MYO3B: variants seen among roughly 807,000 people sequenced by gnomAD.
The protein encoded by MYO3B is myosin IIIB.
In MYO3B, 156 loss-of-function variants were observed where a neutral mutation model predicts 174.6. The ratio of observed to expected loss-of-function variants is 0.89; its 90% CI spans 0.78 to 1.02. MYO3B has a LOEUF of 1.02. Ranked by LOEUF, MYO3B falls within the 50% of genes least tolerant of loss-of-function variation. The pLI, the probability that MYO3B is intolerant of heterozygous loss-of-function variation, is 0.00. For synonymous variants in MYO3B, 563 were observed against 569.1 expected (o/e 0.99, Z 0.15); for missense variants, 1,632 against 1,639.4 (o/e 1.00, Z 0.08).
chr2:170,196,277 C>A (rs2092599101), intron 1 of MYO3B, among the ~76,000 whole-genome samples: 1 of 152,124 alleles, frequency 6.6e-6, no homozygotes, highest in Non-Finnish European at 1.5e-5. Flanking sequence ...GAAGCTGAGT[C>A]AGGAGGATCA....
At chr2:170,260,324 T>C (rs535139452) in intron 7 of MYO3B, among the ~76,000 whole-genome samples, 3 of 152,148 alleles carry the variant, frequency 2.0e-5, no homozygotes, top group African/African-American at 4.8e-5. Flanking sequence ...CAGTGGTGGA[T>C]TGGATAAAGA....
chr2:170,509,174 TG>T (rs1433057189), intron 28 of MYO3B, among the ~76,000 whole-genome samples: 1 of 152,204 alleles, frequency 6.6e-6, no homozygotes, highest in Non-Finnish European at 1.5e-5. Flanking sequence ...CTGGCCAACA[TG>T]GCAAAATCCT....
chr2:170,464,536 G>T (rs941092290), intron 24 of MYO3B, among the ~76,000 whole-genome samples: 5 of 152,038 alleles, frequency 3.3e-5, no homozygotes, highest in Non-Finnish European at 7.4e-5. Flanking sequence ...TGGATAGAAG[G>T]CTCCATGGAA....
intron 32 of MYO3B, among the ~76,000 whole-genome samples, chr2:170,553,218 A>G (rs62168185): frequency 0.017 from 2,554 of 152,282 alleles, 34 homozygotes; most frequent in Non-Finnish European, 0.023. Context: ...ACTGTCCTCC[A>G]GACCCCAAAT....
chr2:170,348,808 A>C (rs535424678), intron 8 of MYO3B, among the ~76,000 whole-genome samples: 1 of 152,284 alleles, frequency 6.6e-6, no homozygotes, highest in South Asian at 2.1e-4. Flanking sequence ...GCTATAGCTT[A>C]GTATATGTGC....
In MYO3B at chr2:170,578,607, G is replaced by A. The variant is rs146296976; in HGVS notation, c.3733+34619G>A. On this transcript the variant is annotated intron_variant, in intron 32 of 34. Coordinates refer to ENST00000408978, the MANE Select transcript of MYO3B (RefSeq NM_138995.5). Reference sequence around the variant, plus strand: ...AAAATTTACATTTTACATAATCTGTGCGTTGTTAAAAATGTATTCAACGTC... The same window carrying A: ...AAAATTTACATTTTACATAATCTGTACGTTGTTAAAAATGTATTCAACGTC... 4.6e-3 allele frequency among the ~76,000 whole-genome samples: 702 copies of A among 152,290 alleles called. 3 individuals are homozygous for A. The highest frequency in any genetic ancestry group is 8.3e-3 in the Non-Finnish European group (568 of 68,032).
chr2:170,201,061 CA>C (rs2092655982), intron 3 of MYO3B, among the ~76,000 whole-genome samples: 1 of 152,140 alleles, frequency 6.6e-6, no homozygotes, highest in Non-Finnish European at 1.5e-5. Flanking sequence ...CTGAAGGGAA[CA>C]ACACTGTATC....
chr2:170,638,868 A>G (rs965091208), intron 32 of MYO3B, among the ~76,000 whole-genome samples: 1 of 152,210 alleles, frequency 6.6e-6, no homozygotes, highest in Non-Finnish European at 1.5e-5. Context: ...GATTCACTTA[A>G]GGTCACATAC....
At chr2:170,464,981 G>A (rs149266978) in intron 24 of MYO3B, among the ~76,000 whole-genome samples, 28,897 of 151,376 alleles carry the variant, frequency 0.19, 3,449 homozygotes, top group Middle Eastern at 0.3. Context: ...ATTCTCCTGC[G>A]TCAGCCTCCC....
At chr2:170,248,274 G>A (rs892365329) in intron 7 of MYO3B, among the ~76,000 whole-genome samples, 1 of 152,154 alleles carries the variant, frequency 6.6e-6, no homozygotes, top group African/African-American at 2.4e-5. Context: ...GGGGTTTAAA[G>A]TTAGTCAAAC....
intron 28 of MYO3B, among the ~76,000 whole-genome samples, chr2:170,512,826 T>A (rs1688066671): frequency 6.6e-6 from 1 of 152,126 alleles, no homozygotes; most frequent in Non-Finnish European, 1.5e-5. Context: ...TAGGAAAAAA[T>A]TTTGTGCTTG....
At chr2:170,268,183 C>T (rs1286521179) in intron 7 of MYO3B, among the ~76,000 whole-genome samples, 1 of 152,062 alleles carries the variant, frequency 6.6e-6, no homozygotes, top group Non-Finnish European at 1.5e-5. Flanking sequence ...AATGGAGTGG[C>T]CTTTATGCAT....
intron 14 of MYO3B, among the ~76,000 whole-genome samples, chr2:170,388,469 A>G (rs1007366717): frequency 3.3e-5 from 5 of 152,164 alleles, no homozygotes; most frequent in African/African-American, 9.7e-5. Flanking sequence ...AGCAAGGAGG[A>G]AAAGTGGCAA....
rs1279419001 is a variant in MYO3B at position 170,219,600 on chromosome 2, C to T, written c.603+2205C>T. Among the ~76,000 whole-genome samples, 3 of 151,374 alleles carry T rather than the reference C, an allele frequency of 2.0e-5. No individual in the cohort carries two copies. In the East Asian group the frequency reaches 5.8e-4, roughly 29 times the overall value. On this transcript the variant is annotated intron_variant, in intron 6 of 34. Coordinates refer to ENST00000408978, the MANE Select transcript of MYO3B (RefSeq NM_138995.5). ...CAGAGGTTGCAGTGAGCAGAGATGC[C>T]ACCACTGCACTTCAGCCTGGGTGAC... is the stretch of plus-strand genomic sequence containing the variant.
In MYO3B at chr2:170,178,151, C is replaced by G. The variant is rs964196251; in HGVS notation, c.-137C>G. The G allele has an allele frequency of 1.9e-6, 2 of 1,071,378 alleles. No homozygotes were observed. Among genetic ancestry groups the G allele is most frequent in the African/African-American group, 1.6e-5 (1 of 64,218 alleles). The allele number at this position is 1,071,378 out of a possible 1,614,324, so 66.4% of individuals were successfully genotyped here. A position where few individuals can be genotyped will look rare whatever the true frequency, so the allele number is the denominator to read the frequency against. On this transcript the variant is annotated 5_prime_UTR_variant, in exon 1 of 35. It adds an upstream start codon to the 5' untranslated region. Coordinates refer to ENST00000408978, the MANE Select transcript of MYO3B (RefSeq NM_138995.5). ...GGCTAACACCTCTTGGAACCTAGAT[C>G]GAAAGTCCTTTGGTAATGATGTGTC... is the stretch of plus-strand genomic sequence containing the variant.
intron 32 of MYO3B, among the ~76,000 whole-genome samples, chr2:170,595,869 C>T (rs34073895): frequency 0.3 from 45,096 of 151,844 alleles, 7,696 homozygotes; most frequent in East Asian, 0.51. Context: ...GCCAGCCTAA[C>T]TAATGAATGA....
intron 23 of MYO3B, among the ~76,000 whole-genome samples, chr2:170,446,148 T>G (rs2094840862): frequency 6.6e-6 from 1 of 152,212 alleles, no homozygotes; most frequent in Non-Finnish European, 1.5e-5. Flanking sequence ...TGAATGACCA[T>G]GAAAGCATTG....
At chr2:170,612,621 G>T (rs1366550198) in intron 32 of MYO3B, among the ~76,000 whole-genome samples, 1 of 152,186 alleles carries the variant, frequency 6.6e-6, no homozygotes, top group Non-Finnish European at 1.5e-5. Flanking sequence ...AGGGAGAAAA[G>T]GAGTCTGACA....
At chr2:170,453,556 C>T (rs1435228780) in intron 23 of MYO3B, among the ~76,000 whole-genome samples, 2 of 152,016 alleles carry the variant, frequency 1.3e-5, no homozygotes, top group Non-Finnish European at 2.9e-5. Flanking sequence ...GGTTTCTGGG[C>T]TCCCTTTCTC....
Sources: allele counts gnomAD v4.1 joint callset (sites outside exome capture counted in the v4.1 genomes callset), GRCh38; gene constraint gnomAD v4.1.1; transcripts MANE v1.5; gene names NCBI Gene and HGNC (gene_info 2026-07-23, HGNC 2026-07-21).